Variants in ADCY8 observed in about 807,000 individuals in gnomAD.
ADCY8 encodes the protein adenylate cyclase 8, also known as adenylate cyclase type 8.
In ADCY8, 51 loss-of-function variants were observed where a neutral mutation model predicts 119.7. That is an observed-to-expected ratio of 0.43 (90% CI 0.34 to 0.54). The LOEUF (loss-of-function observed/expected upper bound fraction) is 0.54, where lower values mean the gene tolerates loss of function less well. Among genes scored for constraint, ADCY8 ranks in the 20% least tolerant of loss-of-function variants. The probability of loss-of-function intolerance (pLI) is 0.03; values close to 1 mark genes in which losing one functional copy is unlikely to be tolerated. For synonymous variants in ADCY8, 665 were observed against 651.0 expected (o/e 1.02, Z -0.33); for missense variants, 1,383 against 1,598.8 (o/e 0.87, Z 2.30).
chr8:130,930,086 C>T (rs886616549), intron 5 of ADCY8, among the ~76,000 whole-genome samples: 3 of 152,164 alleles, frequency 2.0e-5, no homozygotes, highest in Non-Finnish European at 2.9e-5. Flanking sequence ...TCCATTAAGG[C>T]ACTCTACATT....
intron 1 of ADCY8, among the ~76,000 whole-genome samples, chr8:131,006,174 G>A (rs1823112864): frequency 6.6e-6 from 1 of 152,144 alleles, no homozygotes; most frequent in Non-Finnish European, 1.5e-5. Flanking sequence ...TTTCCTGCCA[G>A]CAAACTGTTA....
intron 11 of ADCY8, among the ~76,000 whole-genome samples, chr8:130,836,921 A>G (rs1381100035): frequency 6.6e-6 from 1 of 152,120 alleles, no homozygotes; most frequent in Non-Finnish European, 1.5e-5. Context: ...TTTAGTAAAG[A>G]TGGAGTTTCA....
rs752321769 is a variant in ADCY8 at position 130,807,983 on chromosome 8, C to CAAAAAAA, written c.2913+6079_2913+6085dup. On this transcript the variant is annotated intron_variant, in intron 14 of 17. Coordinates refer to ENST00000286355, the MANE Select transcript of ADCY8 (RefSeq NM_001115.3). ...TGGGTGACAGAGCGAGACTCCGTCT[C>CAAAAAAA]AAAAAAAAAAAAAAAAAAAAAAAAA... 5.7e-3 allele frequency among the ~76,000 whole-genome samples: 271 copies of CAAAAAAA among 47,224 alleles called. 22 individuals are homozygous for CAAAAAAA. Among genetic ancestry groups the CAAAAAAA allele is most frequent in the East Asian group, 7.6e-3 (4 of 526 alleles). 31.0% of individuals were successfully genotyped at this position (47,224 alleles called of 152,430 possible).
At chr8:130,956,705 C>A (rs1821436507) in intron 2 of ADCY8, among the ~76,000 whole-genome samples, 1 of 152,130 alleles carries the variant, frequency 6.6e-6, no homozygotes. Flanking sequence ...GTGGGAGGGA[C>A]CTGGTGGGAG....
At chr8:130,884,141 A>G (rs1818888792) in intron 8 of ADCY8, among the ~76,000 whole-genome samples, 1 of 152,166 alleles carries the variant, frequency 6.6e-6, no homozygotes, top group South Asian at 2.1e-4. Context: ...TCTAAGAAAG[A>G]CAGTGTTTAT....
At chr8:130,783,201 G>C (rs1434873242) in intron 17 of ADCY8, among the ~76,000 whole-genome samples, 1 of 152,222 alleles carries the variant, frequency 6.6e-6, no homozygotes, top group African/African-American at 2.4e-5. Flanking sequence ...TAAGCCCAAA[G>C]AAATGGCGAG....
intron 1 of ADCY8, among the ~76,000 whole-genome samples, chr8:131,007,061 T>C (rs886917842): frequency 9.8e-6 from 1 of 102,402 alleles, no homozygotes; most frequent in South Asian, 3.5e-4. Flanking sequence ...AGGCACACAA[T>C]AATGAATGAA....
intron 7 of ADCY8, among the ~76,000 whole-genome samples, chr8:130,899,633 A>G (rs1038100898): frequency 4.6e-5 from 7 of 152,012 alleles, no homozygotes; most frequent in Admixed American, 1.3e-4. Flanking sequence ...AGAAAAGAAA[A>G]GAAACATAAG....
At chr8:130,937,508 C>G (rs1820823425) in intron 4 of ADCY8, among the ~76,000 whole-genome samples, 1 of 152,176 alleles carries the variant, frequency 6.6e-6, no homozygotes, top group South Asian at 2.1e-4. Context: ...TTGGTCAGGC[C>G]TGACAGAGTG....
intron 11 of ADCY8, among the ~76,000 whole-genome samples, chr8:130,838,505 A>AC (rs1251505060): frequency 7.0e-6 from 1 of 142,650 alleles, no homozygotes; most frequent in Admixed American, 7.0e-5. Context: ...TGCTCCAGAG[A>AC]AACTCTAAGG....
At chr8:130,948,906 G>GT (rs1229935470) in intron 3 of ADCY8, among the ~76,000 whole-genome samples, 26 of 152,020 alleles carry the variant, frequency 1.7e-4, no homozygotes, top group Non-Finnish European at 2.2e-4. Context: ...ACGCCCCGCC[G>GT]CCCCGAGCTG....
At chr8:131,032,017 G>A (rs1452834718) in intron 1 of ADCY8, among the ~76,000 whole-genome samples, 1 of 152,174 alleles carries the variant, frequency 6.6e-6, no homozygotes. Flanking sequence ...AAAAGATTCT[G>A]AAACGGTTTA....
intron 9 of ADCY8, among the ~76,000 whole-genome samples, chr8:130,860,459 T>A (rs1324485534): frequency 6.6e-6 from 1 of 152,206 alleles, no homozygotes; most frequent in Non-Finnish European, 1.5e-5. Context: ...TGGTGGTGTG[T>A]CTTAAAACTC....
intron 7 of ADCY8, among the ~76,000 whole-genome samples, chr8:130,893,710 G>A (rs116392595): frequency 0.012 from 1,817 of 151,662 alleles, 26 homozygotes; most frequent in African/African-American, 0.04. Context: ...ATGTGTGTGT[G>A]TGCATGTTTA....
chr8:131,018,852 T>C (rs934308543), intron 1 of ADCY8, among the ~76,000 whole-genome samples: 1 of 152,138 alleles, frequency 6.6e-6, no homozygotes, highest in African/African-American at 2.4e-5. Flanking sequence ...TATAGGAGTG[T>C]TAATCTCCTG....
intron 2 of ADCY8, among the ~76,000 whole-genome samples, chr8:130,965,525 C>T (rs910264468): frequency 3.9e-5 from 6 of 152,096 alleles, no homozygotes; most frequent in Non-Finnish European, 8.8e-5. Flanking sequence ...GTGGTATGTG[C>T]CTACATCATC....
chr8:130,953,070 T>C (rs1821321644), intron 2 of ADCY8, among the ~76,000 whole-genome samples: 1 of 152,226 alleles, frequency 6.6e-6, no homozygotes, highest in Non-Finnish European at 1.5e-5. Context: ...AAAAAGTCTT[T>C]GTGTTGTGGA....
chr8:130,819,067 A>C (rs893580971), intron 13 of ADCY8, among the ~76,000 whole-genome samples: 3 of 152,172 alleles, frequency 2.0e-5, no homozygotes, highest in Non-Finnish European at 4.4e-5. Context: ...CTCATATAAC[A>C]CTCTAACAAC....
At chr8:130,847,561 A>C in intron 10 of ADCY8, 48 bp from the exon 11 acceptor site, 1 of 1,489,588 alleles carries the variant, frequency 6.7e-7, no homozygotes, top group Non-Finnish European at 9.2e-7. Flanking sequence ...CAAAAACAGG[A>C]ACAACAAAGT....
Sources: gnomAD v4.1 joint callset for allele counts (sites outside exome capture counted in the v4.1 genomes callset) on GRCh38, gnomAD v4.1.1 for gene constraint, MANE v1.5 for transcripts, NCBI Gene and HGNC (gene_info 2026-07-23, HGNC 2026-07-21) for gene names.